Variants in FLT1 observed in about 807,000 individuals in gnomAD.
The protein encoded by FLT1 is fms related receptor tyrosine kinase 1.
A neutral mutation model predicts 156.3 loss-of-function variants in FLT1; 49 were observed. The observed-to-expected ratio is 0.31, with a 90% CI of 0.25 to 0.40. FLT1 has a LOEUF of 0.40. FLT1 is among the 10% of genes least tolerant of loss of function. FLT1 has a pLI of 1.00. For synonymous variants in FLT1, 594 were observed against 583.8 expected, an observed-to-expected ratio of 1.02 and a Z score of -0.25; for missense variants, 1,322 against 1,637.2, an observed-to-expected ratio of 0.81 and a Z score of 3.32.
chr13:28,454,155 G>A (rs1879133542), intron 3 of FLT1, among the ~76,000 whole-genome samples: 1 of 152,070 alleles, frequency 6.6e-6, no homozygotes, highest in Admixed American at 6.6e-5. Flanking sequence ...CAAACTGCAG[G>A]CCCCTTAAAA....
intron 3 of FLT1, among the ~76,000 whole-genome samples, chr13:28,440,969 T>G (rs1459331753): frequency 6.6e-6 from 1 of 152,126 alleles, no homozygotes; most frequent in South Asian, 2.1e-4. Context: ...GATGGTCAGG[T>G]GGTTATTAAA....
chr13:28,433,479 C>T (rs920746843), intron 6 of FLT1, among the ~76,000 whole-genome samples: 1 of 152,226 alleles, frequency 6.6e-6, no homozygotes, highest in Non-Finnish European at 1.5e-5. Context: ...CAGTCCCTGC[C>T]TGGCATTTGG....
chr13:28,371,387 T>A (rs1593716650), intron 14 of FLT1, among the ~76,000 whole-genome samples: 1 of 152,200 alleles, frequency 6.6e-6, no homozygotes, highest in Non-Finnish European at 1.5e-5. Context: ...CTGAGAAGCA[T>A]GATGAAGTCT....
rs1390619535 is a variant in FLT1, at chr13:28,389,977, A to T, written c.1788T>A (p.Asn596Lys). ...TAATACTGTAGTGCATTGTTCTGTT[A>T]TTAACTGTCCGCAGTAAAATCCAAG... is the stretch of plus-strand genomic sequence containing the variant. ...DVTWILLRTV[N>K]NRTMHYSISK... Residue 596 changes from asparagine (N) to lysine (K), a missense_variant, in exon 13 of 30, where the codon AAT becomes AAA. Physicochemically the swap from Asn to Lys is moderately conservative, Grantham distance 94. Transcript: ENST00000282397. The T allele has an allele frequency of 1.2e-6, 2 of 1,614,060 alleles. No homozygotes were observed. The highest frequency in any genetic ancestry group is 2.7e-5 in the African/African-American group (2 of 74,924).
At chr13:28,481,859 T>G (rs895720640) in intron 1 of FLT1, among the ~76,000 whole-genome samples, 1 of 152,246 alleles carries the variant, frequency 6.6e-6, no homozygotes, top group Non-Finnish European at 1.5e-5. Context: ...AAGTGATTTA[T>G]CTTAGTAAAA....
At chr13:28,445,661 T>TAACAACAAC (rs140487705) in intron 3 of FLT1, among the ~76,000 whole-genome samples, 1 of 151,694 alleles carries the variant, frequency 6.6e-6, no homozygotes, top group Non-Finnish European at 1.5e-5. Flanking sequence ...GATTGAATTG[T>TAACAACAAC]AACAACAACA....
intron 7 of FLT1, 119 bp from the exon 8 acceptor site, chr13:28,430,286 G>C (rs1593784011): frequency 1.3e-6 from 1 of 744,914 alleles, no homozygotes; most frequent in African/African-American, 1.7e-5. Flanking sequence ...AATTATGATA[G>C]AGCCTATCAA....
chr13:28,396,972 A>C lies in FLT1; in HGVS notation c.1648T>G (p.Phe550Val). The change falls in exon 12 of 30, where the codon TTT becomes GTT. Residue 550 changes from phenylalanine (F) to valine (V), a missense_variant. Physicochemically the swap from Phe to Val is conservative, Grantham distance 50. Coordinates refer to ENST00000282397, the MANE Select transcript of FLT1 (RefSeq NM_002019.4). ...ATGTGTGGCTTACCTGTGATATAAA[A>C]GCTTATGTTTCTTCCCACAGTCCCA... ...KVGTVGRNIS[F>V]YITDVPNGFH... 1.3e-6 allele frequency: 2 copies of C among 1,595,782 alleles called. No individual in the cohort carries two copies. The highest frequency in any genetic ancestry group is 1.7e-6 in the Non-Finnish European group (2 of 1,163,294).
chr13:28,427,301 C>T lies in FLT1; in HGVS notation c.1294G>A (p.Glu432Lys), dbSNP rs1473309404. 2.5e-6 allele frequency: 4 copies of T among 1,613,770 alleles called. No homozygotes were observed. The highest frequency in any genetic ancestry group is 3.3e-5 in the Admixed American group (2 of 59,966). Residue 432 changes from glutamate (E) to lysine (K), a missense_variant, in exon 10 of 30, where the codon GAA (glutamate) becomes AAA (lysine). By Grantham distance (56) the Glu-to-Lys change is moderately conservative. Coordinates refer to ENST00000282397, the MANE Select transcript of FLT1 (RefSeq NM_002019.4). ...TCTGGAAACGATGACACGGCCTTTT[C>T]GTAAATCTGGGGTTTCACTGGAAAG... ...LIVNVKPQIYEKAVSSFPDPA... is the reference protein window; with the variant it reads ...LIVNVKPQIYKKAVSSFPDPA...
intron 2 of FLT1, 82 bp downstream of exon 2, chr13:28,467,439 C>T (rs1300931459): frequency 8.6e-6 from 8 of 928,696 alleles, no homozygotes; most frequent in Non-Finnish European, 1.0e-5. Flanking sequence ...TCACTGAGGT[C>T]CCTACCTTTT....
chr13:28,326,468 C>G (rs1871682247), intron 20 of FLT1, among the ~76,000 whole-genome samples: 1 of 151,458 alleles, frequency 6.6e-6, no homozygotes, highest in Non-Finnish European at 1.5e-5. Flanking sequence ...ATATGTCACA[C>G]TGGCAAAGTT....
chr13:28,389,729 C>A (rs1874586313), intron 13 of FLT1, 67 bp downstream of exon 13: 1 of 1,612,882 alleles, frequency 6.2e-7, no homozygotes. Context: ...TTGTGTGGTA[C>A]AATCATTCCT....
At chr13:28,323,027 C>T (rs1259409101) in intron 20 of FLT1, 81 bp from the exon 21 acceptor site, 11 of 1,441,796 alleles carry the variant, frequency 7.6e-6, no homozygotes, top group South Asian at 6.9e-5. Flanking sequence ...CTGGCAATCG[C>T]CTGATGAGAA....
chr13:28,325,197 G>A (rs192883231), intron 20 of FLT1, among the ~76,000 whole-genome samples: 2 of 152,086 alleles, frequency 1.3e-5, no homozygotes, highest in South Asian at 2.1e-4. Flanking sequence ...AAACCCAAAC[G>A]TTCCATCCTG....
chr13:28,412,397 T>TTTCTTTCTTTCC (rs1876342296), intron 10 of FLT1, among the ~76,000 whole-genome samples: 3 of 127,926 alleles, frequency 2.3e-5, no homozygotes, highest in Admixed American at 7.9e-5. Context: ...TCTTTCTTTC[T>TTTCTTTCTTTCC]TTCTTTCTTT....
intron 15 of FLT1, chr13:28,346,297 C>T (rs1433421982): frequency 1.3e-5 from 2 of 152,274 alleles, no homozygotes; most frequent in Non-Finnish European, 2.9e-5. Context: ...AGTATTCAAG[C>T]CATGCCTCCA....
chr13:28,372,078 T>TATA, intron 14 of FLT1, among the ~76,000 whole-genome samples: 1 of 19,028 alleles, frequency 5.3e-5, no homozygotes, highest in African/African-American at 1.3e-4. Context: ...ATATATATAT[T>TATA]TTTTTTTTTT....
rs1010763627 is a variant in FLT1 at position 28,300,690 on chromosome 13, C to T, written c.*2477G>A. 1.3e-5 allele frequency: 3 copies of T among 233,060 alleles called. No individual in the cohort carries two copies. The highest frequency in any genetic ancestry group is 4.4e-5 in the African/African-American group (2 of 45,298). The allele number at this position is 233,060 out of a possible 1,614,324, so 14.4% of individuals were successfully genotyped here. On this transcript the variant is annotated 3_prime_UTR_variant, in exon 30 of 30. Coordinates refer to ENST00000282397, the MANE Select transcript of FLT1 (RefSeq NM_002019.4). ...GCACGGGTCCCTAAAATTAACATCT[C>T]GGTGTCACTTCTTGGACTGACAAGA...
chr13:28,417,068 T>C (rs992844479), intron 10 of FLT1, among the ~76,000 whole-genome samples: 1 of 152,106 alleles, frequency 6.6e-6, no homozygotes, highest in African/African-American at 2.4e-5. Context: ...ATAATAAGTC[T>C]GTGAAAGTCC....
Sources: gnomAD v4.1 joint callset for allele counts (sites outside exome capture counted in the v4.1 genomes callset) on GRCh38, gnomAD v4.1.1 for gene constraint, MANE v1.5 for transcripts, NCBI Gene and HGNC (gene_info 2026-07-23, HGNC 2026-07-21) for gene names.